Variants in CERS5 observed in about 807,000 individuals in gnomAD.
CERS5 encodes LAG1 homolog, ceramide synthase 5.
In CERS5, 37 loss-of-function variants were observed where a neutral mutation model predicts 58.9. The ratio of observed to expected loss-of-function variants is 0.63; its 90% CI spans 0.48 to 0.83. The LOEUF is 0.83. CERS5 is among the 40% of genes least tolerant of loss of function. The pLI is 0.00. For missense variants in CERS5, 398 were observed against 489.3 expected (o/e 0.81, Z 1.76); for synonymous variants, 147 against 177.8 (o/e 0.83, Z 1.38).
At chr12:50,133,176 CAGG>C in intron 9 of CERS5, 5 of 1,205,394 alleles carry the variant, frequency 4.1e-6, no homozygotes, top group Non-Finnish European at 5.3e-6. Flanking sequence ...AATAATGATG[CAGG>C]AGATCATCAA....
At chr12:50,163,983 A>G (rs1182637521) in intron 1 of CERS5, among the ~76,000 whole-genome samples, 1 of 133,330 alleles carries the variant, frequency 7.5e-6, no homozygotes, top group Middle Eastern at 4.9e-3. Context: ...TTTTTGAGAC[A>G]GAGTTTTCCT....
intron 6 of CERS5, among the ~76,000 whole-genome samples, 164 bp from the exon 7 acceptor site, chr12:50,136,233 G>A (rs1951692857): frequency 6.6e-6 from 1 of 152,186 alleles, no homozygotes; most frequent in African/African-American, 2.4e-5. Flanking sequence ...AGCACTTTGG[G>A]AGGGCAAGGT....
At chr12:50,141,208 G>A (rs992706018) in intron 4 of CERS5, among the ~76,000 whole-genome samples, 2 of 151,926 alleles carry the variant, frequency 1.3e-5, no homozygotes, top group Admixed American at 6.6e-5. Flanking sequence ...ACGCCACCAC[G>A]CCAGGCTAAT....
intron 1 of CERS5, chr12:50,148,347 G>A (rs1467027914): frequency 5.9e-6 from 1 of 169,646 alleles, no homozygotes; most frequent in Non-Finnish European, 1.3e-5. Flanking sequence ...TGTAATCCCA[G>A]CACTTCGGGA....
At chr12:50,135,254 GA>G (rs1951609320) in intron 8 of CERS5, among the ~76,000 whole-genome samples, 1 of 98,912 alleles carries the variant, frequency 1.0e-5, no homozygotes, top group Non-Finnish European at 2.2e-5. Flanking sequence ...AGAGAGGAGG[GA>G]GGGAGAGAGG....
chr12:50,140,818 A>G (rs76048932), intron 4 of CERS5, among the ~76,000 whole-genome samples: 3,238 of 147,786 alleles, frequency 0.022, 114 homozygotes, highest in African/African-American at 0.077. Flanking sequence ...CATGTCATTC[A>G]TATCTTTTAC....
At chr12:50,141,010 G>T (rs1306450841) in intron 4 of CERS5, among the ~76,000 whole-genome samples, 1 of 151,854 alleles carries the variant, frequency 6.6e-6, no homozygotes, top group East Asian at 1.9e-4. Flanking sequence ...GTATGGTATG[G>T]GGAAAAAAAC....
chr12:50,130,308 C>T lies in CERS5; in HGVS notation c.*237G>A, dbSNP rs139329553. On this transcript the variant is annotated 3_prime_UTR_variant, in exon 10 of 10. Transcript: ENST00000317551. ...AATGAAACTCACGCATATGCACAAA[C>T]GCACATCAACAAACACACAAAAACA... The T allele has an allele frequency of 1.6e-3, 629 of 382,318 alleles. 5 individuals are homozygous for T. Among genetic ancestry groups the T allele is most frequent in the African/African-American group, 0.01 (505 of 48,452 alleles). 23.7% of individuals were successfully genotyped at this position (382,318 alleles called of 1,614,324 possible).
At position 50,129,490 on chromosome 12, in the gene CERS5, A is replaced by C. The variant is rs1432073515; in HGVS notation, c.*1055T>G. 1.3e-5 allele frequency: 2 copies of C among 149,006 alleles called. No homozygotes were observed. The highest frequency in any genetic ancestry group is 3.0e-5 in the Non-Finnish European group (2 of 67,778). The allele number at this position is 149,006 out of a possible 1,614,324, so 9.2% of individuals were successfully genotyped here. A position where few individuals can be genotyped will look rare whatever the true frequency, so the allele number is the denominator to read the frequency against. The stretch of plus-strand genomic sequence containing the variant: ...CAATATAGCAAGTTGAGGAACTAAA[A>C]GTATGACCTAATTTTTTTTTTTTTT... On this transcript the variant is annotated 3_prime_UTR_variant, in exon 10 of 10. Transcript: ENST00000317551.
intron 1 of CERS5, chr12:50,166,257 A>C (rs1939870353): frequency 6.2e-6 from 1 of 161,758 alleles, no homozygotes; most frequent in Non-Finnish European, 1.3e-5. Flanking sequence ...GGGGAGGCGG[A>C]GGTCGCGGTA....
rs1195218834 is a variant in CERS5, at chr12:50,133,837, G to T, written c.1029+709C>A. The T allele has an allele frequency of 9.6e-6, 8 of 835,450 alleles. No homozygotes were observed. In the Admixed American group the frequency reaches 1.9e-4, roughly 19 times the overall value. The allele number at this position is 835,450 out of a possible 1,614,324, so 51.8% of individuals were successfully genotyped here. A position where few individuals can be genotyped will look rare whatever the true frequency, so the allele number is the denominator to read the frequency against. On this transcript the variant is annotated intron_variant, in intron 9 of 9. Transcript: ENST00000317551. ...GCCTGTAATCCCAGCACTTCGGGAGGCCAAGGTGGGCAGATCACAAGGTCG... is the reference window on the plus strand; with the variant it reads ...GCCTGTAATCCCAGCACTTCGGGAGTCCAAGGTGGGCAGATCACAAGGTCG...
intron 1 of CERS5, among the ~76,000 whole-genome samples, chr12:50,157,008 T>C (rs1351926046): frequency 1.3e-5 from 2 of 152,190 alleles, no homozygotes; most frequent in Non-Finnish European, 2.9e-5. Flanking sequence ...TTTGAGTCAG[T>C]GGGCTGGGAA....
In CERS5 at chr12:50,143,001, T is replaced by G. The variant is rs1952056273; in HGVS notation, c.434+73A>C. The G allele has an allele frequency of 4.7e-6, 7 of 1,488,228 alleles. No homozygotes were observed. In the South Asian group the frequency reaches 9.3e-5, roughly 20 times the overall value. The allele number at this position is 1,488,228 out of a possible 1,614,324, so 92.2% of individuals were successfully genotyped here. ...GTTGTCCTAACAACAGAAGTGATGT[T>G]CAAAACAGAAACTTCAGTCCAGTTG... On this transcript the variant is annotated intron_variant, in intron 3 of 9. Transcript: ENST00000317551.
At chr12:50,142,668 C>T (rs1952037572) in intron 3 of CERS5, among the ~76,000 whole-genome samples, 1 of 151,766 alleles carries the variant, frequency 6.6e-6, no homozygotes, top group African/African-American at 2.4e-5. Flanking sequence ...TGCTCACAGA[C>T]AGGATAATGA....
At chr12:50,161,374 T>C (rs1939242381) in intron 1 of CERS5, among the ~76,000 whole-genome samples, 1 of 152,212 alleles carries the variant, frequency 6.6e-6, no homozygotes. Flanking sequence ...GACCAAATTG[T>C]ACCCTCTATA....
intron 9 of CERS5, chr12:50,133,942 T>C (rs548866225): frequency 2.3e-5 from 4 of 172,734 alleles, no homozygotes; most frequent in Non-Finnish European, 4.6e-5. Context: ...CCTGGTGGCA[T>C]GCGCCTGTAA....
At chr12:50,146,764 A>G (rs930978498) in intron 1 of CERS5, among the ~76,000 whole-genome samples, 6 of 149,614 alleles carry the variant, frequency 4.0e-5, no homozygotes, top group East Asian at 2.0e-4. Flanking sequence ...GGAGAATGGC[A>G]TGAACCCGGG....
intron 1 of CERS5, among the ~76,000 whole-genome samples, chr12:50,162,246 T>C (rs1939391433): frequency 6.6e-6 from 1 of 151,416 alleles, no homozygotes; most frequent in South Asian, 2.1e-4. Flanking sequence ...AAATTTGTTC[T>C]TCAAATACTA....
chr12:50,163,912 C>T (rs891792831), intron 1 of CERS5, among the ~76,000 whole-genome samples: 1 of 151,990 alleles, frequency 6.6e-6, no homozygotes, highest in Non-Finnish European at 1.5e-5. Context: ...CCTCGGCCTC[C>T]CAAAGTGCTG....
Sources: gnomAD v4.1 joint callset for allele counts (sites outside exome capture counted in the v4.1 genomes callset) on GRCh38, gnomAD v4.1.1 for gene constraint, MANE v1.5 for transcripts, NCBI Gene and HGNC (gene_info 2026-07-23, HGNC 2026-07-21) for gene names.